GRIN2B: variants seen among roughly 807,000 people sequenced by gnomAD.
GRIN2B encodes glutamate receptor ionotropic, NMDA 2B.
A neutral mutation model predicts 114.5 loss-of-function variants in GRIN2B; 5 were observed. That is an observed-to-expected ratio of 0.04 (90% CI 0.02 to 0.09). The LOEUF is 0.09. GRIN2B is among the 10% of genes least tolerant of loss of function. The pLI, the probability that GRIN2B is intolerant of heterozygous loss-of-function variation, is 1.00. For missense variants in GRIN2B, 1,108 were observed against 1,943.5 expected, an observed-to-expected ratio of 0.57 and a Z score of 8.08; for synonymous variants, 787 against 745.1, an observed-to-expected ratio of 1.06 and a Z score of -0.92.
At chr12:13,619,864 A>G (rs1442781832) in intron 5 of GRIN2B, among the ~76,000 whole-genome samples, 1 of 152,042 alleles carries the variant, frequency 6.6e-6, no homozygotes, top group African/African-American at 2.4e-5. Flanking sequence ...CAGAGCTTGG[A>G]CTCCTACCCA....
intron 4 of GRIN2B, among the ~76,000 whole-genome samples, chr12:13,737,704 T>G (rs1285408060): frequency 1.3e-5 from 2 of 152,202 alleles, no homozygotes; most frequent in Non-Finnish European, 2.9e-5. Flanking sequence ...AGAAAGGGAT[T>G]GAAGCCAATG....
chr12:13,807,205 T>C (rs1337443053), intron 3 of GRIN2B, among the ~76,000 whole-genome samples: 2 of 152,176 alleles, frequency 1.3e-5, no homozygotes, highest in African/African-American at 4.8e-5. Context: ...GTGGTTGGAT[T>C]AGACGATTTC....
intron 5 of GRIN2B, among the ~76,000 whole-genome samples, chr12:13,664,686 CT>C (rs538639843): frequency 4.9e-4 from 75 of 151,986 alleles, no homozygotes; most frequent in Admixed American, 1.2e-3. Context: ...CTTTCTTATA[CT>C]TTTTTTTAAC....
At chr12:13,647,996 G>A (rs1379669145) in intron 5 of GRIN2B, among the ~76,000 whole-genome samples, 1 of 152,098 alleles carries the variant, frequency 6.6e-6, no homozygotes, top group East Asian at 1.9e-4. Context: ...TCTGTTTGAT[G>A]TGGATTATAA....
intron 3 of GRIN2B, among the ~76,000 whole-genome samples, chr12:13,799,224 C>T (rs1007770147): frequency 2.6e-5 from 4 of 152,158 alleles, no homozygotes; most frequent in African/African-American, 9.7e-5. Flanking sequence ...ACTAATTAGC[C>T]CTTCCCCCTG....
chr12:13,857,259 T>C (rs1865676746), intron 3 of GRIN2B, among the ~76,000 whole-genome samples: 2 of 152,206 alleles, frequency 1.3e-5, no homozygotes, highest in Admixed American at 1.3e-4. Flanking sequence ...GCCACAGTGA[T>C]AGTTGATATT....
At chr12:13,767,183 C>G (rs952084576) in intron 3 of GRIN2B, among the ~76,000 whole-genome samples, 3 of 150,240 alleles carry the variant, frequency 2.0e-5, no homozygotes, top group Non-Finnish European at 4.4e-5. Context: ...TGGCGTGAGG[C>G]CGGGAGGCGG....
intron 5 of GRIN2B, among the ~76,000 whole-genome samples, chr12:13,653,885 A>G (rs1168149718): frequency 6.6e-6 from 1 of 152,126 alleles, no homozygotes; most frequent in Non-Finnish European, 1.5e-5. Flanking sequence ...TTAATTGTCC[A>G]TCTTTCCTCT....
intron 5 of GRIN2B, among the ~76,000 whole-genome samples, chr12:13,647,501 T>C (rs1288280490): frequency 1.3e-5 from 2 of 152,092 alleles, no homozygotes; most frequent in Non-Finnish European, 2.9e-5. Flanking sequence ...TGGATTACAA[T>C]ATGACTTCTG....
chr12:13,811,557 G>A (rs1040568344), intron 3 of GRIN2B, among the ~76,000 whole-genome samples: 3 of 152,186 alleles, frequency 2.0e-5, no homozygotes, highest in Non-Finnish European at 4.4e-5. Flanking sequence ...CTCAGCCTGG[G>A]TGACACAGTG....
At chr12:13,953,823 C>T (rs1471616688) in intron 2 of GRIN2B, among the ~76,000 whole-genome samples, 3 of 152,172 alleles carry the variant, frequency 2.0e-5, no homozygotes, top group African/African-American at 7.2e-5. Flanking sequence ...TGGCCATGCC[C>T]CATTTAGCTT....
intron 2 of GRIN2B, among the ~76,000 whole-genome samples, chr12:13,950,660 G>A (rs879727857): frequency 3.3e-5 from 5 of 152,120 alleles, no homozygotes; most frequent in Admixed American, 3.3e-4. Context: ...TAAACAAAAG[G>A]AGTGCTGAGA....
At chr12:13,867,037 G>A (rs777531201) in intron 2 of GRIN2B, among the ~76,000 whole-genome samples, 13 of 151,772 alleles carry the variant, frequency 8.6e-5, no homozygotes, top group Non-Finnish European at 1.6e-4. Flanking sequence ...ATTACACTAC[G>A]TGGAACTGCC....
In GRIN2B at chr12:13,739,398, A is replaced by G. The variant is rs1473478099; in HGVS notation, c.1010+13919T>C. Reference sequence around the variant, plus strand: ...TCAAAAAAAAAAAAAAAAAAAAAAAAAAAAGAAGAAAAGGAAAAAAAAAGC... The same window carrying G: ...TCAAAAAAAAAAAAAAAAAAAAAAAGAAAAGAAGAAAAGGAAAAAAAAAGC... On this transcript the variant is annotated intron_variant, in intron 4 of 13. Coordinates refer to ENST00000609686, the MANE Select transcript of GRIN2B (RefSeq NM_000834.5). Among the ~76,000 whole-genome samples, 883 of 148,632 alleles carry G rather than the reference A, an allele frequency of 5.9e-3. 13 individuals carry two copies. Among genetic ancestry groups the G allele is most frequent in the Non-Finnish European group, 0.011 (707 of 67,272 alleles).
intron 9 of GRIN2B, among the ~76,000 whole-genome samples, chr12:13,609,092 TG>T (rs1448509130): frequency 6.6e-6 from 1 of 152,194 alleles, no homozygotes; most frequent in Non-Finnish European, 1.5e-5. Flanking sequence ...CTAACAGTCA[TG>T]ACTCCCCTCT....
At chr12:13,905,878 C>T (rs1278636399) in intron 2 of GRIN2B, among the ~76,000 whole-genome samples, 1 of 152,176 alleles carries the variant, frequency 6.6e-6, no homozygotes, top group Non-Finnish European at 1.5e-5. Context: ...GCCTCAAGGA[C>T]GCTCTCCATA....
chr12:13,580,215 C>T (rs919353923), intron 10 of GRIN2B, among the ~76,000 whole-genome samples: 1 of 152,186 alleles, frequency 6.6e-6, no homozygotes, highest in Admixed American at 6.5e-5. Flanking sequence ...AATAACAGCA[C>T]ATAAATGAAA....
intron 4 of GRIN2B, among the ~76,000 whole-genome samples, chr12:13,747,418 T>A (rs190043814): frequency 6.6e-6 from 1 of 152,376 alleles, no homozygotes. Flanking sequence ...TGCATTGTTA[T>A]GCCTGAACTA....
intron 4 of GRIN2B, among the ~76,000 whole-genome samples, chr12:13,684,183 C>T (rs534424777): frequency 3.5e-4 from 53 of 152,264 alleles, no homozygotes; most frequent in Middle Eastern, 6.8e-3. Flanking sequence ...ATAAAGTTCA[C>T]TTTCCAAGGA....
Sources: allele counts gnomAD v4.1 joint callset (sites outside exome capture counted in the v4.1 genomes callset), GRCh38; gene constraint gnomAD v4.1.1; transcripts MANE v1.5; gene names NCBI Gene and HGNC (gene_info 2026-07-23, HGNC 2026-07-21).